The following ACOT1 variants were observed in gnomAD, a reference collection of about 807,000 sequenced individuals.
The protein encoded by ACOT1 is acyl-CoA thioesterase 1, also known as acyl-coenzyme A thioesterase 1.
ACOT1 carries 8 observed loss-of-function variants against 15.7 expected under a neutral mutation model. The ratio of observed to expected loss-of-function variants is 0.51; its 90% confidence interval spans 0.30 to 0.92. The LOEUF (loss-of-function observed/expected upper bound fraction) is 0.92, where lower values mean the gene tolerates loss of function less well. Among genes scored for constraint, ACOT1 ranks in the 40% least tolerant of loss-of-function variants. The pLI is 0.06. For synonymous variants in ACOT1, 67 were observed against 241.2 expected, an observed-to-expected ratio of 0.28 and a Z score of 6.69; for missense variants, 151 against 539.4, an observed-to-expected ratio of 0.28 and a Z score of 7.13.
the ACOT1 span, among the ~76,000 whole-genome samples, chr14:73,504,542 G>A: frequency 1.2e-4 from 18 of 152,152 alleles, no homozygotes; most frequent in East Asian, 3.5e-3. Flanking sequence ...GTGCCCGGCC[G>A]ATTTTTGCAT....
chr14:73,534,033 C>T (rs2140307920), upstream of ACOT1, among the ~76,000 whole-genome samples: 1 of 109,784 alleles, frequency 9.1e-6, no homozygotes, highest in African/African-American at 3.0e-5. Context: ...AATGAACCAT[C>T]ATGGTGCCAT....
the ACOT1 span, among the ~76,000 whole-genome samples, chr14:73,505,110 T>C: frequency 1.3e-5 from 2 of 151,682 alleles, no homozygotes; most frequent in East Asian, 3.9e-4. Flanking sequence ...AGAGATGGGG[T>C]TTTGCCATGA....
At chr14:73,495,315 T>C in the ACOT1 span, 1 of 1,614,022 alleles carries the variant, frequency 6.2e-7, no homozygotes, top group Non-Finnish European at 8.5e-7. Context: ...GCTTCCTCCC[T>C]CACTTTTCCC....
At chr14:73,510,735 TTTGGCTGCAG>T in the ACOT1 span, among the ~76,000 whole-genome samples, 2 of 152,068 alleles carry the variant, frequency 1.3e-5, no homozygotes, top group Non-Finnish European at 2.9e-5. Flanking sequence ...CACACCTGGC[TTTGGCTGCAG>T]TTCTTGAGGC....
the ACOT1 span, among the ~76,000 whole-genome samples, chr14:73,506,804 GTT>G: frequency 0.039 from 3,143 of 80,438 alleles, 111 homozygotes; most frequent in Non-Finnish European, 0.05. Context: ...GACTTTAACT[GTT>G]TTTTTTTTTT....
chr14:73,522,727 G>T, the ACOT1 span: 2 of 1,614,212 alleles, frequency 1.2e-6, no homozygotes, highest in Non-Finnish European at 1.7e-6. Context: ...TTTCGGGATT[G>T]GCAGAGCTTT....
chr14:73,504,148 G>T, the ACOT1 span, among the ~76,000 whole-genome samples: 14 of 150,538 alleles, frequency 9.3e-5, no homozygotes, highest in Non-Finnish European at 1.8e-4. Context: ...CACGATCTCG[G>T]CTCACTGCAA....
the ACOT1 span, among the ~76,000 whole-genome samples, chr14:73,499,338 G>A: frequency 3.1e-3 from 474 of 152,178 alleles, 2 homozygotes; most frequent in Middle Eastern, 0.024. Context: ...AAAATTAGCC[G>A]GGCATGGTGT....
At chr14:73,500,837 A>G in the ACOT1 span, 1 of 986,414 alleles carries the variant, frequency 1.0e-6, no homozygotes, top group Non-Finnish European at 1.5e-6. Flanking sequence ...TAGGCTGTCA[A>G]TCCCATTCAG....
chr14:73,525,946 C>T, the ACOT1 span, among the ~76,000 whole-genome samples: 1 of 89,820 alleles, frequency 1.1e-5, no homozygotes, highest in Non-Finnish European at 2.4e-5. Flanking sequence ...GAGTGAGACT[C>T]CTTATTTAAA....
chr14:73,506,804 G>GTTTTTTTTTTTTTTTTTTTTTT, the ACOT1 span, among the ~76,000 whole-genome samples: 90 of 80,476 alleles, frequency 1.1e-3, 19 homozygotes, highest in East Asian at 6.3e-3. Context: ...GACTTTAACT[G>GTTTTTTTTTTTTTTTTTTTTTT]TTTTTTTTTT....
chr14:73,501,809 A>AGT, the ACOT1 span, among the ~76,000 whole-genome samples: 2 of 151,696 alleles, frequency 1.3e-5, no homozygotes, highest in African/African-American at 4.8e-5. Context: ...GCTGGAGTAC[A>AGT]GTGGCGTGAT....
At chr14:73,524,501 C>T in the ACOT1 span, among the ~76,000 whole-genome samples, 1 of 150,114 alleles carries the variant, frequency 6.7e-6, no homozygotes, top group South Asian at 2.1e-4. Context: ...TGAAGCATTC[C>T]CTTGGCCTAA....
the ACOT1 span, chr14:73,493,052 G>A: frequency 7.5e-6 from 12 of 1,597,008 alleles, no homozygotes; most frequent in Non-Finnish European, 1.0e-5. Flanking sequence ...AAGCATCAGT[G>A]TGCTCACATT....
At chr14:73,496,759 A>C in the ACOT1 span, 2 of 798,350 alleles carry the variant, frequency 2.5e-6, no homozygotes, top group Non-Finnish European at 4.3e-6. Flanking sequence ...TAGGACTTGG[A>C]ATCAGGTAAG....
the ACOT1 span, among the ~76,000 whole-genome samples, chr14:73,511,449 G>A: frequency 6.6e-6 from 1 of 151,642 alleles, no homozygotes. Flanking sequence ...AACCTGGGAG[G>A]TGGAGGTTGC....
At chr14:73,492,852 C>T in the ACOT1 span, 1 of 1,613,866 alleles carries the variant, frequency 6.2e-7, no homozygotes, top group Admixed American at 1.7e-5. The surrounding 1 kb of genome is among the most constrained non-coding windows in gnomAD (Gnocchi z 4.9). Context: ...GGGGACCTGC[C>T]CTGTGACAGT....
At chr14:73,542,811 G>A (rs1275710146) in intron 2 of ACOT1, among the ~76,000 whole-genome samples, 1 of 112,182 alleles carries the variant, frequency 8.9e-6, no homozygotes, top group Non-Finnish European at 1.9e-5. Flanking sequence ...TGAGATTAAG[G>A]AACTGAGAAA....
At chr14:73,527,887 G>T in the ACOT1 span, among the ~76,000 whole-genome samples, 24 of 147,592 alleles carry the variant, frequency 1.6e-4, no homozygotes, top group Non-Finnish European at 3.1e-4. Context: ...GCTGAGGCAG[G>T]AGAGTTCCTT....
Sources: gnomAD v4.1 joint callset for allele counts (sites outside exome capture counted in the v4.1 genomes callset) on GRCh38, gnomAD v4.1.1 for gene constraint, Gnocchi (gnomAD v3.1) non-coding constraint, MANE v1.5 for transcripts, NCBI Gene and HGNC (gene_info 2026-07-23, HGNC 2026-07-21) for gene names.